Variants in HECW1 observed in about 807,000 individuals in gnomAD.
HECW1 encodes E3 ubiquitin-protein ligase HECW1.
In HECW1, 61 loss-of-function variants were observed where a neutral mutation model predicts 182.3. That is an observed-to-expected ratio of 0.33 (90% CI 0.27 to 0.41). The LOEUF is 0.41. HECW1 is among the 10% of genes least tolerant of loss of function. The pLI, the probability that HECW1 is intolerant of heterozygous loss-of-function variation, is 1.00. For missense variants in HECW1, 1,739 were observed against 2,108.9 expected, an observed-to-expected ratio of 0.82 and a Z score of 3.44; for synonymous variants, 859 against 832.6, an observed-to-expected ratio of 1.03 and a Z score of -0.55.
intron 3 of HECW1, among the ~76,000 whole-genome samples, chr7:43,252,656 A>G (rs1431053030): frequency 2.6e-5 from 4 of 152,206 alleles, no homozygotes; most frequent in South Asian, 2.1e-4. Context: ...ATGAGTTCCC[A>G]TAGTCATACC....
chr7:43,403,955 G>A (rs2075515860), intron 7 of HECW1, among the ~76,000 whole-genome samples: 1 of 152,104 alleles, frequency 6.6e-6, no homozygotes, highest in Admixed American at 6.5e-5. Context: ...AGGCAAAAAT[G>A]AGAAGAAATT....
At chr7:43,273,036 G>A (rs1254283102) in intron 3 of HECW1, among the ~76,000 whole-genome samples, 3 of 152,126 alleles carry the variant, frequency 2.0e-5, no homozygotes, top group Admixed American at 6.5e-5. Flanking sequence ...CATGCAGCGG[G>A]AGGCCATTAA....
intron 2 of HECW1, among the ~76,000 whole-genome samples, chr7:43,152,321 C>G (rs1188458082): frequency 6.6e-6 from 1 of 152,158 alleles, no homozygotes; most frequent in African/African-American, 2.4e-5. Flanking sequence ...AGTAATCTCA[C>G]AGGTAAGCCA....
intron 29 of HECW1, among the ~76,000 whole-genome samples, chr7:43,559,426 C>T (rs2082137256): frequency 6.6e-6 from 1 of 152,186 alleles, no homozygotes; most frequent in African/African-American, 2.4e-5. Flanking sequence ...TTCCCCAAAT[C>T]ATTATCACAA....
intron 6 of HECW1, among the ~76,000 whole-genome samples, chr7:43,372,466 C>T (rs1047790698): frequency 6.6e-6 from 1 of 151,742 alleles, no homozygotes; most frequent in African/African-American, 2.4e-5. Context: ...TGTGCTGCAC[C>T]CATTAACTCG....
intron 5 of HECW1, among the ~76,000 whole-genome samples, chr7:43,321,661 C>T (rs1295116125): frequency 2.0e-5 from 3 of 152,194 alleles, no homozygotes; most frequent in Non-Finnish European, 2.9e-5. Context: ...TCTGTTATTC[C>T]GGCTATCCAG....
At chr7:43,558,847 G>T (rs2082117364) in intron 29 of HECW1, among the ~76,000 whole-genome samples, 1 of 152,156 alleles carries the variant, frequency 6.6e-6, no homozygotes, top group South Asian at 2.1e-4. Context: ...GCTGGAGCAG[G>T]TGGAGCGGTA....
chr7:43,149,824 A>G (rs1285178403), intron 2 of HECW1, among the ~76,000 whole-genome samples: 2 of 152,156 alleles, frequency 1.3e-5, no homozygotes, highest in African/African-American at 2.4e-5. Flanking sequence ...GACTTTATAT[A>G]TTGCATGATT....
At chr7:43,120,834 G>C (rs1451028336) in intron 2 of HECW1, among the ~76,000 whole-genome samples, 3 of 151,934 alleles carry the variant, frequency 2.0e-5, no homozygotes, top group Admixed American at 2.0e-4. Context: ...TGCAGAGATG[G>C]GTTTTCACCA....
chr7:43,490,385 T>C (rs148953705), intron 17 of HECW1, among the ~76,000 whole-genome samples: 41 of 152,360 alleles, frequency 2.7e-4, no homozygotes, highest in African/African-American at 9.4e-4. Context: ...TCTCACACCA[T>C]TCTTTGATCA....
chr7:43,354,352 G>A (rs529695883), intron 5 of HECW1, among the ~76,000 whole-genome samples: 2 of 152,130 alleles, frequency 1.3e-5, no homozygotes, highest in South Asian at 2.1e-4. Context: ...ACAGCAATAC[G>A]TGTACTCTCT....
intron 2 of HECW1, among the ~76,000 whole-genome samples, chr7:43,235,238 A>C (rs2152712249): frequency 6.6e-6 from 1 of 152,290 alleles, no homozygotes; most frequent in Middle Eastern, 3.4e-3. Context: ...ACTTGGGGTG[A>C]AATCCACAGA....
At position 43,550,113 on chromosome 7, in the gene HECW1, AG is replaced by A. The variant is rs1218412125; in HGVS notation, c.4249-331del. ...ATAGACCACATTCTACCAAAAAAAA[AG>A]AAGAAGAAGAAGAAAGAAAAAAAAT... On this transcript the variant is annotated intron_variant, in intron 26 of 29. Coordinates refer to ENST00000395891, the MANE Select transcript of HECW1 (RefSeq NM_015052.5). Among the ~76,000 whole-genome samples the A allele has an allele frequency of 3.1e-5, 4 of 130,548 alleles. No individual in the cohort carries two copies. The South Asian group carries it at 9.5e-4, about 31-fold the overall frequency. The allele number at this position is 130,548 out of a possible 152,430, so 85.6% of individuals were successfully genotyped here.
At chr7:43,411,469 C>T (rs766167623) in intron 8 of HECW1, among the ~76,000 whole-genome samples, 2 of 152,140 alleles carry the variant, frequency 1.3e-5, no homozygotes, top group Non-Finnish European at 2.9e-5. Context: ...TGTGGCATAT[C>T]AAGTCCTATA....
At chr7:43,398,488 G>T (rs1331694581) in intron 7 of HECW1, among the ~76,000 whole-genome samples, 1 of 152,158 alleles carries the variant, frequency 6.6e-6, no homozygotes, top group Non-Finnish European at 1.5e-5. Flanking sequence ...AGAGGTCACA[G>T]GCATGAAGTA....
At chr7:43,373,956 G>A (rs181777949) in intron 6 of HECW1, among the ~76,000 whole-genome samples, 21 of 152,246 alleles carry the variant, frequency 1.4e-4, no homozygotes, top group South Asian at 4.2e-4. Flanking sequence ...CCATGTTGCC[G>A]CGTGTGCCAG....
chr7:43,416,171 T>C (rs958215367), intron 8 of HECW1, among the ~76,000 whole-genome samples: 3 of 150,224 alleles, frequency 2.0e-5, no homozygotes, highest in African/African-American at 7.4e-5. Context: ...TATCTACTTT[T>C]GGTCTTTGAT....
At chr7:43,148,314 G>A (rs1788938498) in intron 2 of HECW1, among the ~76,000 whole-genome samples, 1 of 152,116 alleles carries the variant, frequency 6.6e-6, no homozygotes, top group Non-Finnish European at 1.5e-5. Context: ...AGTCACCACT[G>A]AAAAGGCATG....
intron 19 of HECW1, among the ~76,000 whole-genome samples, chr7:43,499,409 C>T (rs2079246521): frequency 6.6e-6 from 1 of 151,578 alleles, no homozygotes; most frequent in Non-Finnish European, 1.5e-5. Context: ...GCAGAGGTTG[C>T]AGTGAGCTGA....
Sources: gnomAD v4.1 joint callset for allele counts (sites outside exome capture counted in the v4.1 genomes callset) on GRCh38, gnomAD v4.1.1 for gene constraint, MANE v1.5 for transcripts, NCBI Gene and HGNC (gene_info 2026-07-23, HGNC 2026-07-21) for gene names.